Variants in SF3A3 observed in about 807,000 individuals in gnomAD.
SF3A3 encodes the protein SAP 61.
Under a neutral mutation model 85.8 loss-of-function variants are expected in SF3A3, and 9 were observed. The ratio of observed to expected loss-of-function variants is 0.10; its 90% confidence interval spans 0.06 to 0.18. SF3A3 has a LOEUF of 0.18. Among genes scored for constraint, SF3A3 ranks in the 10% least tolerant of loss-of-function variants. SF3A3 has a pLI of 1.00. For synonymous variants in SF3A3, 195 were observed against 204.4 expected (o/e 0.95, Z 0.39); for missense variants, 306 against 593.3 (o/e 0.52, Z 5.03).
At chr1:37,978,633 G>T in intron 11 of SF3A3, 87 bp downstream of exon 11, 1 of 758,780 alleles carries the variant, frequency 1.3e-6, no homozygotes, top group Non-Finnish European at 2.2e-6. Context: ...AGATAAAGCA[G>T]GCTTTAAAGT....
At position 37,976,920 on chromosome 1, in the gene SF3A3, T is replaced by C; in HGVS notation, c.969A>G (p.Leu323=). Residue 323 remains leucine (L), a synonymous_variant, in exon 12 of 17, where the codon CTA becomes CTG. Coordinates refer to ENST00000373019, the MANE Select transcript of SF3A3 (RefSeq NM_006802.4). The part of the protein sequence containing the change: ...DTERNKDIAF[L]EAQIYEYVEI... ...CTACATATTCATAGATCTGGGCTTCTAGAAAAGCAATGTCTTTGTTCCTTT... is the reference window on the plus strand; with the variant it reads ...CTACATATTCATAGATCTGGGCTTCCAGAAAAGCAATGTCTTTGTTCCTTT... 1.2e-6 allele frequency: 2 copies of C among 1,610,036 alleles called. No individual in the cohort carries two copies. Among genetic ancestry groups the C allele is most frequent in the Non-Finnish European group, 1.7e-6 (2 of 1,176,354 alleles).
chr1:37,988,173 G>A (rs547648118), intron 2 of SF3A3, among the ~76,000 whole-genome samples: 7 of 152,226 alleles, frequency 4.6e-5, no homozygotes, highest in African/African-American at 1.4e-4. Flanking sequence ...CCAAACACTA[G>A]TTCCCACCTA....
intron 12 of SF3A3, among the ~76,000 whole-genome samples, chr1:37,976,146 ACT>A (rs1646378132): frequency 1.6e-5 from 1 of 62,318 alleles, no homozygotes; most frequent in Non-Finnish European, 3.1e-5. Flanking sequence ...ACAGAGCAAG[ACT>A]CTGTCTCAAA....
At chr1:37,959,089 T>C (rs1352400814) in intron 16 of SF3A3, among the ~76,000 whole-genome samples, 2 of 151,988 alleles carry the variant, frequency 1.3e-5, no homozygotes, top group African/African-American at 4.8e-5. Flanking sequence ...TCTTTTTTTT[T>C]TTTTTGTGAG....
chr1:37,984,109 A>G (rs1224166890), intron 6 of SF3A3, 60 bp downstream of exon 6: 2 of 859,922 alleles, frequency 2.3e-6, no homozygotes, highest in Admixed American at 4.2e-5. Flanking sequence ...TGCTAGTTCC[A>G]GCCTACTGTC....
chr1:37,963,595 C>G (rs141663583), intron 15 of SF3A3, among the ~76,000 whole-genome samples: 2,485 of 150,736 alleles, frequency 0.016, 61 homozygotes, highest in African/African-American at 0.057. Flanking sequence ...CTCACTCTGT[C>G]GCCCAGGTTG....
Position 37,979,508 on chromosome 1 carries a change from T to G in SF3A3, c.716A>C (p.His239Pro). The G allele has an allele frequency of 6.2e-7, 1 of 1,613,440 alleles. No individual in the cohort carries two copies. The highest frequency in any genetic ancestry group is 8.5e-7 in the Non-Finnish European group (1 of 1,179,430). ...AGAGAGGTCAAGATGGGCTCCAGCA[T>G]GGGTCAGGGCACTGCTTGTCTCTTT... The part of the protein sequence containing the change: ...WPKETSSALT[H>P]AGAHLDLSAF... Residue 239 changes from histidine (H) to proline (P), a missense_variant, in exon 9 of 17, where the codon CAT (histidine) becomes CCT (proline). Coordinates refer to ENST00000373019, the MANE Select transcript of SF3A3 (RefSeq NM_006802.4).
chr1:37,957,898 A>G lies in SF3A3; in HGVS notation c.*288T>C. On this transcript the variant is annotated 3_prime_UTR_variant, in exon 17 of 17. Transcript: ENST00000373019. The stretch of plus-strand genomic sequence containing the variant: ...ATCTCAGCTACTAGTAAAGTTGGTG[A>G]GGAAGAGGTATGGAGGCGTTAAGAC... 3.1e-6 allele frequency: 1 copy of G among 324,490 alleles called. No homozygotes were observed. Among genetic ancestry groups the G allele is most frequent in the Non-Finnish European group, 5.6e-6 (1 of 177,942 alleles). 20.1% of individuals were successfully genotyped at this position (324,490 alleles called of 1,614,324 possible).
chr1:37,978,495 A>G (rs1384299132), intron 11 of SF3A3, among the ~76,000 whole-genome samples: 1 of 152,152 alleles, frequency 6.6e-6, no homozygotes, highest in Admixed American at 6.6e-5. Context: ...TATGGTTTCA[A>G]ATTTAGAAAC....
intron 6 of SF3A3, 31 bp downstream of exon 6, chr1:37,984,138 C>T: frequency 7.8e-7 from 1 of 1,279,046 alleles, no homozygotes; most frequent in South Asian, 1.2e-5. Context: ...CTTCGAGAAT[C>T]AGAACCTCTC....
intron 7 of SF3A3, among the ~76,000 whole-genome samples, chr1:37,981,225 T>C (rs527899592): frequency 6.2e-4 from 95 of 152,296 alleles, no homozygotes; most frequent in African/African-American, 2.3e-3. Context: ...TCCCGCCTCC[T>C]TTTATTCTCA....
chr1:37,983,601 A>AAAAAAAAAAAAAAAAAG (rs1646435673), intron 6 of SF3A3, among the ~76,000 whole-genome samples: 1 of 148,796 alleles, frequency 6.7e-6, no homozygotes, highest in Non-Finnish European at 1.5e-5. Context: ...AAAAAAAAAA[A>AAAAAAAAAAAAAAAAAG]AAAAAAAGAT....
chr1:37,971,017 TGAA>T (rs1557750208), intron 12 of SF3A3, among the ~76,000 whole-genome samples: 1 of 151,272 alleles, frequency 6.6e-6, no homozygotes, highest in Non-Finnish European at 1.5e-5. Flanking sequence ...AGAGGAGAAG[TGAA>T]GGAGACAGAC....
intron 11 of SF3A3, among the ~76,000 whole-genome samples, chr1:37,978,431 G>A (rs1247137125): frequency 6.6e-6 from 1 of 150,920 alleles, no homozygotes; most frequent in African/African-American, 2.4e-5. Context: ...AGAAAAATAG[G>A]TTTTGAACCT....
chr1:37,969,752 A>T lies in SF3A3; in HGVS notation c.1006-17T>A. 1.2e-6 allele frequency: 2 copies of T among 1,608,084 alleles called. No homozygotes were observed. The highest frequency in any genetic ancestry group is 1.7e-6 in the Non-Finnish European group (2 of 1,176,106). ...TCGCTGTTCCTAAAGCAGGTCCATA[A>T]ATGAAAAGTCAGAAAAAAGTAGTGC... On this transcript the variant is annotated splice_polypyrimidine_tract_variant and intron_variant, in intron 12 of 16. Coordinates refer to ENST00000373019, the MANE Select transcript of SF3A3 (RefSeq NM_006802.4).
At chr1:37,989,778 G>T in intron 1 of SF3A3, 92 bp downstream of exon 1, 1 of 1,261,184 alleles carries the variant, frequency 7.9e-7, no homozygotes, top group Non-Finnish European at 1.2e-6. Flanking sequence ...AGGAAGGCAG[G>T]GAGGTTCTGA....
intron 4 of SF3A3, among the ~76,000 whole-genome samples, chr1:37,985,412 GTT>G (rs11363172): frequency 8.8e-4 from 133 of 150,948 alleles, no homozygotes; most frequent in East Asian, 8.0e-3. Context: ...ACCTGGGGGA[GTT>G]TTTTTTTTAA....
intron 11 of SF3A3, among the ~76,000 whole-genome samples, chr1:37,978,267 A>C (rs944486349): frequency 2.0e-5 from 3 of 150,918 alleles, no homozygotes; most frequent in African/African-American, 7.3e-5. Context: ...TGAACCCAGG[A>C]GGTGGACGTT....
intron 2 of SF3A3, among the ~76,000 whole-genome samples, chr1:37,988,857 TTG>T (rs547811229): frequency 4.8e-4 from 70 of 146,718 alleles, no homozygotes; most frequent in Middle Eastern, 3.5e-3. Context: ...ACGGGGTGTG[TTG>T]TGTGTGTGTG....
Sources: allele counts gnomAD v4.1 joint callset (sites outside exome capture counted in the v4.1 genomes callset), GRCh38; gene constraint gnomAD v4.1.1; transcripts MANE v1.5; gene names NCBI Gene and HGNC (gene_info 2026-07-23, HGNC 2026-07-21).